CSNK1G3: variants seen among roughly 807,000 people sequenced by gnomAD.
The protein encoded by CSNK1G3 is casein kinase 1 gamma 3, also known as casein kinase I isoform gamma-3.
A neutral mutation model predicts 64.3 loss-of-function variants in CSNK1G3; 23 were observed. The ratio of observed to expected loss-of-function variants is 0.36; its 90% CI spans 0.26 to 0.51. The LOEUF (loss-of-function observed/expected upper bound fraction) is 0.51, where lower values mean the gene tolerates loss of function less well. CSNK1G3 is among the 20% of genes least tolerant of loss of function. The probability of loss-of-function intolerance (pLI) is 0.96; values close to 1 mark genes in which losing one functional copy is unlikely to be tolerated. For missense variants in CSNK1G3, 357 were observed against 510.5 expected, an observed-to-expected ratio of 0.70 and a Z score of 2.90; for synonymous variants, 158 against 162.2, an observed-to-expected ratio of 0.97 and a Z score of 0.20.
At chr5:123,520,493 G>A (rs561756490) in intron 1 of CSNK1G3, among the ~76,000 whole-genome samples, 1 of 130,642 alleles carries the variant, frequency 7.7e-6, no homozygotes, top group East Asian at 2.2e-4. Flanking sequence ...TTTTTTTTTT[G>A]AGGGGGGTAG....
At chr5:123,583,435 A>G (rs1581268337) in intron 6 of CSNK1G3, among the ~76,000 whole-genome samples, 1 of 150,254 alleles carries the variant, frequency 6.7e-6, no homozygotes, top group African/African-American at 2.5e-5. Flanking sequence ...ATCTTGGCTC[A>G]CCACAACCTC....
intron 10 of CSNK1G3, among the ~76,000 whole-genome samples, chr5:123,596,674 C>T (rs567522163): frequency 3.3e-5 from 5 of 152,044 alleles, no homozygotes; most frequent in Non-Finnish European, 7.4e-5. Flanking sequence ...GAACATTGCT[C>T]GTTTCTCATT....
intron 9 of CSNK1G3, among the ~76,000 whole-genome samples, 160 bp downstream of exon 9, chr5:123,590,718 TC>T (rs1792182003): frequency 6.6e-6 from 1 of 152,054 alleles, no homozygotes; most frequent in South Asian, 2.1e-4. Context: ...GTACTAGTGT[TC>T]TTTGAGTTTT....
chr5:123,612,367 T>C (rs1796480637), intron 12 of CSNK1G3, among the ~76,000 whole-genome samples: 1 of 152,208 alleles, frequency 6.6e-6, no homozygotes, highest in Admixed American at 6.5e-5. Context: ...ATTATGTAAT[T>C]TAACTGGACA....
At chr5:123,550,112 T>G (rs183642894) in intron 2 of CSNK1G3, among the ~76,000 whole-genome samples, 6 of 152,300 alleles carry the variant, frequency 3.9e-5, no homozygotes, top group Admixed American at 3.9e-4. Context: ...CTGAAGCTAT[T>G]ATAAAACTTA....
chr5:123,604,785 C>T (rs1344523908), exon 11 of CSNK1G3: 8 of 1,611,498 alleles, frequency 5.0e-6, no homozygotes, highest in Non-Finnish European at 6.8e-6. Context: ...CGTTCAAATG[C>T]ACCCATCACA....
At chr5:123,526,718 T>C (rs1779146492) in intron 1 of CSNK1G3, among the ~76,000 whole-genome samples, 1 of 152,214 alleles carries the variant, frequency 6.6e-6, no homozygotes, top group Non-Finnish European at 1.5e-5. Flanking sequence ...CATTTGAGAA[T>C]CATCTATATT....
intron 2 of CSNK1G3, among the ~76,000 whole-genome samples, chr5:123,550,590 T>A (rs1783439663): frequency 1.3e-5 from 2 of 152,228 alleles, no homozygotes; most frequent in African/African-American, 4.8e-5. Flanking sequence ...AGAACATAGT[T>A]TTTGATAATT....
intron 4 of CSNK1G3, among the ~76,000 whole-genome samples, chr5:123,560,492 G>A (rs966232891): frequency 2.0e-5 from 3 of 152,122 alleles, no homozygotes; most frequent in African/African-American, 7.2e-5. Flanking sequence ...CAGAAAAATG[G>A]ATAAAATGTG....
intron 6 of CSNK1G3, among the ~76,000 whole-genome samples, chr5:123,586,214 T>G (rs1791298024): frequency 6.6e-6 from 1 of 152,180 alleles, no homozygotes; most frequent in South Asian, 2.1e-4. Flanking sequence ...CTGTCTAATC[T>G]GTAGTGATGA....
At chr5:123,576,694 G>A (rs1478519454) in intron 6 of CSNK1G3, among the ~76,000 whole-genome samples, 6 of 152,020 alleles carry the variant, frequency 3.9e-5, no homozygotes, top group African/African-American at 1.4e-4. Flanking sequence ...CTAGATTTGG[G>A]TAGGCATTTT....
At chr5:123,614,623 G>A in exon 13 of CSNK1G3, 1 of 421,952 alleles carries the variant, frequency 2.4e-6, no homozygotes, top group Non-Finnish European at 4.2e-6. Context: ...AAACATGAGT[G>A]CTTTGCCCAT....
At chr5:123,567,719 G>C (rs1381564039) in intron 4 of CSNK1G3, among the ~76,000 whole-genome samples, 1 of 152,208 alleles carries the variant, frequency 6.6e-6, no homozygotes, top group Non-Finnish European at 1.5e-5. Flanking sequence ...GCCAAAGATA[G>C]TCAAAGGCTG....
At chr5:123,524,967 G>A (rs1385762029) in intron 1 of CSNK1G3, among the ~76,000 whole-genome samples, 1 of 152,158 alleles carries the variant, frequency 6.6e-6, no homozygotes, top group Admixed American at 6.5e-5. Flanking sequence ...ATAGGAGCAT[G>A]TGAACCTTAT....
intron 1 of CSNK1G3, among the ~76,000 whole-genome samples, chr5:123,544,445 G>A (rs1185061304): frequency 6.6e-6 from 1 of 152,080 alleles, no homozygotes; most frequent in African/African-American, 2.4e-5. Flanking sequence ...CCTTTTTATG[G>A]TTGCATTATA....
chr5:123,573,441 C>T (rs1204622710), exon 5 of CSNK1G3: 1 of 1,613,820 alleles, frequency 6.2e-7, no homozygotes, highest in Non-Finnish European at 8.5e-7. Context: ...AAATACAATG[C>T]TATGGTGCTG....
chr5:123,551,582 A>G (rs1010532253), intron 2 of CSNK1G3, among the ~76,000 whole-genome samples: 2 of 152,184 alleles, frequency 1.3e-5, no homozygotes, highest in African/African-American at 4.8e-5. Context: ...GAAAAGTATT[A>G]TAATATTTGT....
chr5:123,569,133 A>G (rs1033357431), intron 4 of CSNK1G3, among the ~76,000 whole-genome samples: 2 of 152,220 alleles, frequency 1.3e-5, no homozygotes, highest in African/African-American at 2.4e-5. Context: ...AAGCTTGAAC[A>G]TGATTATATG....
chr5:123,583,226 T>G (rs917638780), intron 6 of CSNK1G3, among the ~76,000 whole-genome samples: 1 of 151,934 alleles, frequency 6.6e-6, no homozygotes, highest in Non-Finnish European at 1.5e-5. Context: ...TTAAACTATA[T>G]GCATATTATA....
Sources: allele counts gnomAD v4.1 joint callset (sites outside exome capture counted in the v4.1 genomes callset), GRCh38; gene constraint gnomAD v4.1.1; transcripts MANE v1.5; gene names NCBI Gene and HGNC (gene_info 2026-07-23, HGNC 2026-07-21).